The following ZC3H8 variants were observed in gnomAD, a reference collection of about 807,000 sequenced individuals.
The protein encoded by ZC3H8 is zinc finger CCCH domain-containing protein 8.
In ZC3H8, 27 loss-of-function variants were observed where a neutral mutation model predicts 42.5. That is an observed-to-expected ratio of 0.64 (90% CI 0.47 to 0.88). The LOEUF is 0.88. ZC3H8 is among the 40% of genes least tolerant of loss of function. The pLI is 0.00. For synonymous variants in ZC3H8, 101 were observed against 110.1 expected (o/e 0.92, Z 0.52); for missense variants, 277 against 336.1 (o/e 0.82, Z 1.37).
intron 5 of ZC3H8, 66 bp downstream of exon 5, chr2:112,234,054 A>T: frequency 1.1e-6 from 1 of 949,914 alleles, no homozygotes; most frequent in Non-Finnish European, 1.5e-6. Flanking sequence ...GGTATGAATT[A>T]AAAGAGTATC....
chr2:112,212,341 A>G lies in ZC3H8; in HGVS notation c.*4143T>C, dbSNP rs893501367. 1 of 152,238 alleles carries G rather than the reference A, an allele frequency of 6.6e-6. No homozygotes were observed. Among genetic ancestry groups the G allele is most frequent in the Non-Finnish European group, 1.5e-5 (1 of 68,058 alleles). 9.4% of individuals were successfully genotyped at this position (152,238 alleles called of 1,614,324 possible). ...CACATGAATTTTGGGGGTCGAATAC[A>G]TTCAGTGTCTAACACTTCCTTAAAC... On this transcript the variant is annotated 3_prime_UTR_variant, in exon 9 of 9. Transcript: ENST00000409573.
chr2:112,249,337 G>T (rs552087767), intron 2 of ZC3H8, among the ~76,000 whole-genome samples: 15 of 152,298 alleles, frequency 9.8e-5, no homozygotes, highest in African/African-American at 3.6e-4. Context: ...GGAGATGAAT[G>T]AATAGATTCT....
At chr2:112,250,944 A>G (rs559550915) in intron 1 of ZC3H8, among the ~76,000 whole-genome samples, 69 of 152,358 alleles carry the variant, frequency 4.5e-4, no homozygotes, top group African/African-American at 1.6e-3. Flanking sequence ...ATGCATATAT[A>G]TAACAGTCTG....
chr2:112,217,348 G>A (rs1684370715), intron 8 of ZC3H8, among the ~76,000 whole-genome samples: 1 of 152,134 alleles, frequency 6.6e-6, no homozygotes, highest in African/African-American at 2.4e-5. Context: ...ATTCAAGCCT[G>A]GGTGACTCCA....
At chr2:112,231,999 T>A (rs1396750631) in intron 6 of ZC3H8, 52 bp from the exon 7 acceptor site, 2 of 1,122,128 alleles carry the variant, frequency 1.8e-6, no homozygotes, top group Non-Finnish European at 2.6e-6. Context: ...GAAATAATGT[T>A]ATTAACTTAA....
intron 1 of ZC3H8, among the ~76,000 whole-genome samples, 200 bp downstream of exon 1, chr2:112,254,708 C>A (rs906523864): frequency 2.0e-5 from 3 of 152,224 alleles, no homozygotes; most frequent in Non-Finnish European, 2.9e-5. Flanking sequence ...GCCTGAGCCC[C>A]GCGTTCAGCT....
At chr2:112,221,308 G>A (rs1326395930) in intron 8 of ZC3H8, among the ~76,000 whole-genome samples, 1 of 152,060 alleles carries the variant, frequency 6.6e-6, no homozygotes, top group African/African-American at 2.4e-5. Flanking sequence ...GTGAGTGAAT[G>A]CTCATAAGAT....
At chr2:112,225,997 G>A (rs755998726) in intron 8 of ZC3H8, among the ~76,000 whole-genome samples, 4 of 150,820 alleles carry the variant, frequency 2.7e-5, no homozygotes, top group East Asian at 4.0e-4. Context: ...CAGGAGAATC[G>A]CTTGAACCCA....
intron 2 of ZC3H8, among the ~76,000 whole-genome samples, chr2:112,243,096 T>C (rs1255635435): frequency 2.6e-5 from 4 of 152,216 alleles, no homozygotes; most frequent in African/African-American, 4.8e-5. Context: ...TGGCTTTTAA[T>C]GAGTTCACAG....
In ZC3H8 at chr2:112,227,584, GCA is replaced by G. The variant is rs374831914; in HGVS notation, c.*15+3317_*15+3318del. Among the ~76,000 whole-genome samples, 44 of 152,280 alleles carry G rather than the reference GCA, an allele frequency of 2.9e-4. No homozygotes were observed. The East Asian group carries it at 8.3e-3, about 29-fold the overall frequency. ...ATATACAAATTCCTAAGGAATACAT[GCA>G]CACACAAAATAAAACCTACTAGAGC... On this transcript the variant is annotated intron_variant, in intron 8 of 8. Transcript: ENST00000409573.
intron 8 of ZC3H8, among the ~76,000 whole-genome samples, chr2:112,219,738 T>G (rs1356216068): frequency 6.6e-6 from 1 of 152,138 alleles, no homozygotes. Context: ...GAGCAGAATG[T>G]ACATTCTGTT....
chr2:112,230,356 G>A (rs1205676907), intron 8 of ZC3H8, among the ~76,000 whole-genome samples: 1 of 152,188 alleles, frequency 6.6e-6, no homozygotes, highest in Non-Finnish European at 1.5e-5. Context: ...GGCACATACT[G>A]TGGATAACTT....
intron 4 of ZC3H8, among the ~76,000 whole-genome samples, chr2:112,236,224 A>C (rs1685325777): frequency 6.6e-6 from 1 of 152,224 alleles, no homozygotes; most frequent in Non-Finnish European, 1.5e-5. Flanking sequence ...AGATCGCACC[A>C]GCCTGGGTTA....
intron 6 of ZC3H8, among the ~76,000 whole-genome samples, chr2:112,232,368 A>G (rs1685134982): frequency 6.6e-6 from 1 of 151,378 alleles, no homozygotes; most frequent in African/African-American, 2.4e-5. Context: ...GGATTTCTCT[A>G]TTTAAAGTAT....
At position 112,250,212 on chromosome 2, in the gene ZC3H8, C is replaced by T. The variant is rs373646654; in HGVS notation, c.135G>A (p.Glu45=). The change falls in exon 2 of 9, where the codon GAG becomes GAA. Residue 45 remains glutamate, a synonymous_variant. Transcript: ENST00000409573. ...TTACTTTTTTGGGAATTTGCTCGCA[C>T]TCCAGTTTAATTTTCTCTTCTTGTG... ...EETQEEKIKL[E]CEQIPKKFRH... 1.9e-5 allele frequency: 30 copies of T among 1,568,310 alleles called. No homozygotes were observed. Among genetic ancestry groups the T allele is most frequent in the African/African-American group, 2.7e-5 (2 of 74,336 alleles).
intron 8 of ZC3H8, among the ~76,000 whole-genome samples, chr2:112,224,856 C>T (rs1411873590): frequency 6.6e-6 from 1 of 152,168 alleles, no homozygotes; most frequent in Non-Finnish European, 1.5e-5. Flanking sequence ...TCACAGGGAA[C>T]ATTCTGGGGT....
chr2:112,213,436 C>CA lies in ZC3H8; in HGVS notation c.*3047dup, dbSNP rs1684207105. The stretch of plus-strand genomic sequence containing the variant: ...GTTCTACAATTGGATCAAGTTAAAA[C>CA]ACCAAAAGGCTATATACTTGACCTA... On this transcript the variant is annotated 3_prime_UTR_variant, in exon 9 of 9. Coordinates refer to ENST00000409573, the MANE Select transcript of ZC3H8 (RefSeq NM_032494.3). 6.6e-6 allele frequency: 1 copy of CA among 151,986 alleles called. No individual in the cohort carries two copies. Among genetic ancestry groups the CA allele is most frequent in the South Asian group, 2.1e-4 (1 of 4,812 alleles). The allele number at this position is 151,986 out of a possible 1,614,324, so 9.4% of individuals were successfully genotyped here.
At chr2:112,232,062 G>T in intron 6 of ZC3H8, 115 bp from the exon 7 acceptor site, 1 of 511,308 alleles carries the variant, frequency 2.0e-6, no homozygotes, top group Non-Finnish European at 3.3e-6. Context: ...GGTGGCTCAT[G>T]CCTGTAGGAG....
chr2:112,213,634 G>A lies in ZC3H8; in HGVS notation c.*2850C>T, dbSNP rs781574295. On this transcript the variant is annotated 3_prime_UTR_variant, in exon 9 of 9. Coordinates refer to ENST00000409573, the MANE Select transcript of ZC3H8 (RefSeq NM_032494.3). The stretch of plus-strand genomic sequence containing the variant: ...TACTAAAAATACAAAAAATTAGCAG[G>A]GTGTGGTGGCATGCACCTGTAGTCC... 2 of 151,104 alleles carry A rather than the reference G, an allele frequency of 1.3e-5. No individual in the cohort carries two copies. The highest frequency in any genetic ancestry group is 2.9e-5 in the Non-Finnish European group (2 of 67,858). The allele number at this position is 151,104 out of a possible 1,614,324, so 9.4% of individuals were successfully genotyped here.
Sources: allele counts gnomAD v4.1 joint callset (sites outside exome capture counted in the v4.1 genomes callset), GRCh38; gene constraint gnomAD v4.1.1; transcripts MANE v1.5; gene names NCBI Gene and HGNC (gene_info 2026-07-23, HGNC 2026-07-21).